The following RAB28 variants were observed in gnomAD, a reference collection of about 807,000 sequenced individuals.
RAB28 encodes ras-related protein Rab-28.
RAB28 carries 24 observed loss-of-function variants against 31.7 expected under a neutral mutation model. The observed-to-expected ratio is 0.76, with a 90% CI of 0.55 to 1.06. RAB28 has a LOEUF of 1.06. Ranked by LOEUF, RAB28 falls within the 50% of genes least tolerant of loss-of-function variation. The probability of loss-of-function intolerance (pLI) is 0.00; values close to 1 mark genes in which losing one functional copy is unlikely to be tolerated. For missense variants in RAB28, 254 were observed against 258.5 expected, an observed-to-expected ratio of 0.98 and a Z score of 0.12; for synonymous variants, 100 against 90.4, an observed-to-expected ratio of 1.11 and a Z score of -0.60.
chr4:13,465,302 A>C (rs1301368923), intron 3 of RAB28, among the ~76,000 whole-genome samples: 6 of 151,818 alleles, frequency 4.0e-5, no homozygotes, highest in Non-Finnish European at 8.8e-5. Context: ...CTCAGAGAAC[A>C]CCAATTTGGA....
intron 6 of RAB28, chr4:13,371,154 G>A (rs983893725): frequency 3.0e-5 from 30 of 985,158 alleles, no homozygotes; most frequent in Non-Finnish European, 3.6e-5. Flanking sequence ...TGAGGCATAC[G>A]AACATATTAG....
At chr4:13,406,496 T>C (rs187960818) in intron 4 of RAB28, among the ~76,000 whole-genome samples, 62 of 152,340 alleles carry the variant, frequency 4.1e-4, no homozygotes, top group African/African-American at 1.3e-3. Context: ...GAATGATTTA[T>C]AGTCCTTTGG....
At chr4:13,468,173 CT>C (rs1356900273) in intron 3 of RAB28, among the ~76,000 whole-genome samples, 1 of 151,888 alleles carries the variant, frequency 6.6e-6, no homozygotes, top group African/African-American at 2.4e-5. Context: ...GAGTTGAAGA[CT>C]TTTTTCATTA....
chr4:13,463,736 G>C (rs1715708748), intron 3 of RAB28, among the ~76,000 whole-genome samples: 1 of 152,038 alleles, frequency 6.6e-6, no homozygotes, highest in Non-Finnish European at 1.5e-5. Context: ...CATATTATCA[G>C]TACCATTTAT....
At position 13,448,524 on chromosome 4, in the gene RAB28, G is replaced by A. The variant is rs541102210; in HGVS notation, c.391+12175C>T. ...TACAGTACTGTCAAAATGGTTTGGG[G>A]CAGGCTATCCAAAAAAGTAACTATG... On this transcript the variant is annotated intron_variant, in intron 4 of 6. Transcript: ENST00000330852. 3.3e-5 allele frequency among the ~76,000 whole-genome samples: 5 copies of A among 152,148 alleles called. No individual in the cohort carries two copies. In the East Asian group the frequency reaches 9.6e-4, roughly 29 times the overall value.
In RAB28 at chr4:13,369,953, C is replaced by T. The variant is rs201945581; in HGVS notation, c.574-1303G>A. The T allele has an allele frequency of 3.5e-5, 57 of 1,611,188 alleles. No homozygotes were observed. Among genetic ancestry groups the T allele is most frequent in the Non-Finnish European group, 2.5e-6 (3 of 1,179,014 alleles). On this transcript the variant is annotated intron_variant, in intron 6 of 6. Transcript: ENST00000330852. ...TCTTCCGGGTACTTCACTATTTCTG[C>T]CCTGACAATACGCTGTCAATTCCAT...
chr4:13,418,848 C>T (rs988968491), intron 4 of RAB28, among the ~76,000 whole-genome samples: 1 of 152,248 alleles, frequency 6.6e-6, no homozygotes, highest in East Asian at 1.9e-4. Context: ...CATCAACTAA[C>T]CGGCAAAATA....
chr4:13,464,061 G>A (rs1257244447), intron 3 of RAB28, among the ~76,000 whole-genome samples: 2 of 152,058 alleles, frequency 1.3e-5, no homozygotes, highest in Non-Finnish European at 2.9e-5. Flanking sequence ...GCCAAGATCT[G>A]CCTACCTGGA....
At chr4:13,462,975 G>C (rs998132891) in intron 3 of RAB28, among the ~76,000 whole-genome samples, 7 of 152,168 alleles carry the variant, frequency 4.6e-5, no homozygotes, top group African/African-American at 1.7e-4. Flanking sequence ...TTGGATTCCA[G>C]TCCTGACCCC....
intron 4 of RAB28, among the ~76,000 whole-genome samples, chr4:13,446,169 G>C (rs996592648): frequency 1.3e-5 from 2 of 152,104 alleles, no homozygotes; most frequent in African/African-American, 4.8e-5. Flanking sequence ...TAGCACCGTC[G>C]GGAAAACCGC....
intron 4 of RAB28, among the ~76,000 whole-genome samples, chr4:13,439,672 G>C (rs868671956): frequency 6.6e-6 from 1 of 152,142 alleles, no homozygotes; most frequent in African/African-American, 2.4e-5. Flanking sequence ...CTATGTTTTC[G>C]TCTAAGATTT....
chr4:13,392,214 C>T (rs1378725417), intron 4 of RAB28, among the ~76,000 whole-genome samples: 1 of 152,028 alleles, frequency 6.6e-6, no homozygotes, highest in African/African-American at 2.4e-5. Context: ...GGATAACTTC[C>T]AGGATAAAGT....
At chr4:13,392,733 G>T (rs1169446285) in intron 4 of RAB28, among the ~76,000 whole-genome samples, 1 of 152,152 alleles carries the variant, frequency 6.6e-6, no homozygotes, top group East Asian at 1.9e-4. Flanking sequence ...GTTGCTAAGA[G>T]AATAGATTTT....
rs537440444 is a variant in RAB28 at position 13,474,196 on chromosome 4, C to G, written c.261+122G>C. ...ACTAGCACAAATATAAAATTATTCT[C>G]TCTACGTATCAGATAAAAAGTTAGA... On this transcript the variant is annotated intron_variant, in intron 3 of 6. Coordinates refer to ENST00000330852, the MANE Select transcript of RAB28 (RefSeq NM_001017979.3). 69 of 781,542 alleles carry G rather than the reference C, an allele frequency of 8.8e-5. No individual in the cohort carries two copies. In the East Asian group the frequency reaches 9.1e-4, roughly 10 times the overall value. 48.4% of individuals were successfully genotyped at this position (781,542 alleles called of 1,614,324 possible).
At chr4:13,423,117 T>A (rs1713261155) in intron 4 of RAB28, among the ~76,000 whole-genome samples, 1 of 152,174 alleles carries the variant, frequency 6.6e-6, no homozygotes, top group Admixed American at 6.5e-5. Context: ...GATACATATA[T>A]GAAAAAGCAA....
intron 4 of RAB28, among the ~76,000 whole-genome samples, chr4:13,428,838 C>T (rs1465071661): frequency 1.3e-5 from 2 of 151,648 alleles, no homozygotes; most frequent in Non-Finnish European, 2.9e-5. Flanking sequence ...GAGATTTACA[C>T]CTACATATAT....
Position 13,368,445 on chromosome 4 carries a change from A to C in RAB28, c.*113T>G. The C allele has an allele frequency of 6.0e-6, 8 of 1,327,262 alleles. No individual in the cohort carries two copies. The highest frequency in any genetic ancestry group is 7.7e-6 in the Non-Finnish European group (8 of 1,034,802). 82.2% of individuals were successfully genotyped at this position (1,327,262 alleles called of 1,614,324 possible). A position where few individuals can be genotyped will look rare whatever the true frequency, so the allele number is the denominator to read the frequency against. ...GCAATGATGAAGCAAGTTGGGAGTA[A>C]AGTGTTAACTGAACTACAGAGATGG... On this transcript the variant is annotated 3_prime_UTR_variant, in exon 7 of 7. Coordinates refer to ENST00000330852, the MANE Select transcript of RAB28 (RefSeq NM_001017979.3).
chr4:13,424,200 G>T (rs1713344138), intron 4 of RAB28, among the ~76,000 whole-genome samples: 1 of 152,168 alleles, frequency 6.6e-6, no homozygotes, highest in South Asian at 2.1e-4. Flanking sequence ...CCATAAGAAA[G>T]TACTACAAAC....
chr4:13,412,093 A>G (rs1333208425), intron 4 of RAB28, among the ~76,000 whole-genome samples: 1 of 152,160 alleles, frequency 6.6e-6, no homozygotes, highest in Admixed American at 6.6e-5. Flanking sequence ...CCTACACCAC[A>G]ATTTGTTGAA....
Sources: gnomAD v4.1 joint callset for allele counts (sites outside exome capture counted in the v4.1 genomes callset) on GRCh38, gnomAD v4.1.1 for gene constraint, MANE v1.5 for transcripts, NCBI Gene and HGNC (gene_info 2026-07-23, HGNC 2026-07-21) for gene names.